Variants in TMPO observed in about 807,000 individuals in gnomAD.
TMPO encodes LEM domain containing 4.
TMPO carries 22 observed loss-of-function variants against 45.4 expected under a neutral mutation model. The ratio of observed to expected loss-of-function variants is 0.48; its 90% CI spans 0.35 to 0.69. The LOEUF is 0.69. Among genes scored for constraint, TMPO ranks in the 30% least tolerant of loss-of-function variants. The probability of loss-of-function intolerance (pLI) is 0.01; values close to 1 mark genes in which losing one functional copy is unlikely to be tolerated. For missense variants in TMPO, 512 were observed against 548.8 expected (o/e 0.93, Z 0.67); for synonymous variants, 241 against 204.1 (o/e 1.18, Z -1.54).
At chr12:98,542,031 C>G (rs1433636599) in intron 4 of TMPO, among the ~76,000 whole-genome samples, 1 of 152,264 alleles carries the variant, frequency 6.6e-6, no homozygotes, top group Non-Finnish European at 1.5e-5. Flanking sequence ...TAACCACTCT[C>G]CATTTGGTGA....
chr12:98,535,136 A>G, intron 3 of TMPO: 2 of 985,246 alleles, frequency 2.0e-6, no homozygotes, highest in Non-Finnish European at 2.4e-6. Context: ...TTGGATAATA[A>G]TAGATATCCT....
intron 4 of TMPO, 126 bp downstream of exon 4, chr12:98,537,698 T>TA (rs1361723676): frequency 2.5e-6 from 2 of 798,118 alleles, no homozygotes; most frequent in African/African-American, 3.4e-5. Flanking sequence ...ATTCTGTTGT[T>TA]AAATGATACT....
intron 1 of TMPO, among the ~76,000 whole-genome samples, chr12:98,518,145 CAAAAAAA>C (rs35978276): frequency 1.0e-5 from 1 of 98,318 alleles, no homozygotes; most frequent in Non-Finnish European, 2.3e-5. Flanking sequence ...GACTTCGTCT[CAAAAAAA>C]AAAAAAAAAA....
At chr12:98,519,193 A>G (rs1876138588) in intron 1 of TMPO, among the ~76,000 whole-genome samples, 1 of 151,674 alleles carries the variant, frequency 6.6e-6, no homozygotes, top group Non-Finnish European at 1.5e-5. Context: ...AAATGAAGTA[A>G]TTTTTGTTGT....
chr12:98,533,387 T>G (rs1456199729), intron 3 of TMPO: 1 of 1,614,098 alleles, frequency 6.2e-7, no homozygotes, highest in Non-Finnish European at 8.5e-7. Flanking sequence ...GCCCAGGCAA[T>G]CAGAGATTAT....
At chr12:98,519,480 T>G (rs911189705) in intron 1 of TMPO, among the ~76,000 whole-genome samples, 2 of 152,204 alleles carry the variant, frequency 1.3e-5, no homozygotes, top group African/African-American at 4.8e-5. Flanking sequence ...AATGCAAGGA[T>G]GAGCGACGGC....
At position 98,533,270 on chromosome 12, in the gene TMPO, A is replaced by G. The variant is rs776905287; in HGVS notation, c.565+1432A>G. ...TGCGGTAGAGAGAAAAGTGGAATTCAACCATTATGTCCTGAGAGGTCCCAT... is the reference window on the plus strand; with the variant it reads ...TGCGGTAGAGAGAAAAGTGGAATTCGACCATTATGTCCTGAGAGGTCCCAT... On this transcript the variant is annotated intron_variant, in intron 3 of 8. Transcript: ENST00000556029. 6 of 1,613,970 alleles carry G rather than the reference A, an allele frequency of 3.7e-6. No individual in the cohort carries two copies. The highest frequency in any genetic ancestry group is 5.1e-6 in the Non-Finnish European group (6 of 1,180,020).
intron 1 of TMPO, among the ~76,000 whole-genome samples, chr12:98,517,136 A>C (rs1049675544): frequency 1.3e-5 from 2 of 152,228 alleles, no homozygotes; most frequent in Non-Finnish European, 2.9e-5. Flanking sequence ...TGAAAATTGC[A>C]GTTTGGATTG....
Position 98,520,000 on chromosome 12 carries a change from C to T in TMPO, c.279+3854C>T, listed in dbSNP as rs1266367827. Among the ~76,000 whole-genome samples the T allele has an allele frequency of 2.6e-5, 4 of 151,816 alleles. No homozygotes were observed. The East Asian group carries it at 5.8e-4, about 22-fold the overall frequency. On this transcript the variant is annotated intron_variant, in intron 1 of 8. Coordinates refer to ENST00000556029, the MANE Select transcript of TMPO (RefSeq NM_001032283.3). ...TTTGAGATGGAGTCTTGCTCTGTCA[C>T]GCAGCCTAGAGTGCAGTGGCGTGAT...
At chr12:98,540,765 G>A (rs909757690) in intron 4 of TMPO, among the ~76,000 whole-genome samples, 2 of 152,102 alleles carry the variant, frequency 1.3e-5, no homozygotes, top group Non-Finnish European at 2.9e-5. Flanking sequence ...CAGATCCAGA[G>A]GGTTGGTCAG....
In TMPO at chr12:98,531,994, T is replaced by C. The variant is rs1159883977; in HGVS notation, c.565+156T>C. On this transcript the variant is annotated intron_variant, in intron 3 of 8. Transcript: ENST00000556029. ...TTCTGTAATTTGATTTAAATACTTT[T>C]TATTGAAAATTCTAAGAAGCAACAT... is the stretch of plus-strand genomic sequence containing the variant. The C allele has an allele frequency of 1.9e-5, 12 of 636,150 alleles. No individual in the cohort carries two copies. In the East Asian group the frequency reaches 3.2e-4, roughly 17 times the overall value. 39.4% of individuals were successfully genotyped at this position (636,150 alleles called of 1,614,324 possible).
In TMPO at chr12:98,550,108, A is replaced by G. The variant is rs996536109; in HGVS notation, c.*2250A>G. ...ACATGTATGTAAGATCAATTCACTTAAAAGTATGGTCCAAATAGCAAAAAT... is the reference window on the plus strand; with the variant it reads ...ACATGTATGTAAGATCAATTCACTTGAAAGTATGGTCCAAATAGCAAAAAT... On this transcript the variant is annotated 3_prime_UTR_variant, in exon 9 of 9. Coordinates refer to ENST00000556029, the MANE Select transcript of TMPO (RefSeq NM_001032283.3). 1.3e-5 allele frequency: 2 copies of G among 152,222 alleles called. No individual in the cohort carries two copies. The highest frequency in any genetic ancestry group is 4.8e-5 in the African/African-American group (2 of 41,464). The allele number at this position is 152,222 out of a possible 1,614,324, so 9.4% of individuals were successfully genotyped here. A position where few individuals can be genotyped will look rare whatever the true frequency, so the allele number is the denominator to read the frequency against.
intron 1 of TMPO, among the ~76,000 whole-genome samples, chr12:98,527,368 A>G (rs1332151380): frequency 1.3e-5 from 2 of 149,222 alleles, no homozygotes; most frequent in Non-Finnish European, 3.0e-5. Flanking sequence ...AAAAAACCAC[A>G]GGCAAAAAGC....
At chr12:98,537,417 A>G in intron 3 of TMPO, 58 bp from the exon 4 acceptor site, 2 of 1,397,088 alleles carry the variant, frequency 1.4e-6, no homozygotes, top group Non-Finnish European at 2.0e-6. Flanking sequence ...ATATTAGGAT[A>G]ACATCATCAT....
chr12:98,516,512 C>CTA, intron 1 of TMPO: 1 of 1,066,716 alleles, frequency 9.4e-7, no homozygotes, highest in Non-Finnish European at 1.1e-6. Context: ...CCCCAAAATG[C>CTA]TATAGGTTAA....
intron 8 of TMPO, 145 bp from the exon 9 acceptor site, chr12:98,547,428 C>T (rs1188700106): frequency 3.1e-5 from 29 of 939,326 alleles, no homozygotes; most frequent in Non-Finnish European, 4.3e-5. Context: ...GTTGACTGAC[C>T]TCACTGCTTT....
At chr12:98,522,173 TG>T (rs985422121) in intron 1 of TMPO, among the ~76,000 whole-genome samples, 2 of 152,144 alleles carry the variant, frequency 1.3e-5, no homozygotes, top group Non-Finnish European at 2.9e-5. Flanking sequence ...TGTGCCACCA[TG>T]CCTAGCTGAT....
chr12:98,546,326 C>A, intron 7 of TMPO, 33 bp from the exon 8 acceptor site: 1 of 1,422,718 alleles, frequency 7.0e-7, no homozygotes, highest in Non-Finnish European at 9.9e-7. Context: ...TAAATTTTAA[C>A]TTGTGGTTGT....
In TMPO at chr12:98,531,872, G is replaced by T. The variant is rs3213901; in HGVS notation, c.565+34G>T. ...TTAAATGATGTTAATCAAATGTATG[G>T]AATTTTTTCACACTCAAAATTCAGT... is the stretch of plus-strand genomic sequence containing the variant. On this transcript the variant is annotated intron_variant, in intron 3 of 8. Coordinates refer to ENST00000556029, the MANE Select transcript of TMPO (RefSeq NM_001032283.3). The T allele has an allele frequency of 0.55, 875,083 of 1,579,502 alleles. 244,627 individuals carry two copies. The highest frequency in any genetic ancestry group is 0.64 in the African/African-American group (46,883 of 73,624).
Sources: gnomAD v4.1 joint callset for allele counts (sites outside exome capture counted in the v4.1 genomes callset) on GRCh38, gnomAD v4.1.1 for gene constraint, MANE v1.5 for transcripts, NCBI Gene and HGNC (gene_info 2026-07-23, HGNC 2026-07-21) for gene names.